The following CCDC124 variants were observed in gnomAD, a reference collection of about 807,000 sequenced individuals.
The protein encoded by CCDC124 is coiled-coil domain containing 124, also known as coiled-coil domain-containing protein 124.
A neutral mutation model predicts 19.8 loss-of-function variants in CCDC124; 9 were observed. The ratio of observed to expected loss-of-function variants is 0.45; its 90% CI spans 0.27 to 0.79. The LOEUF (loss-of-function observed/expected upper bound fraction) is 0.79, where lower values mean the gene tolerates loss of function less well. CCDC124 is among the 30% of genes least tolerant of loss of function. The probability of loss-of-function intolerance (pLI) is 0.14; values close to 1 mark genes in which losing one functional copy is unlikely to be tolerated. For missense variants in CCDC124, 285 were observed against 319.0 expected (o/e 0.89, Z 0.81); for synonymous variants, 126 against 131.3 (o/e 0.96, Z 0.27).
chr19:17,939,683 C>T (rs943068502), intron 2 of CCDC124, among the ~76,000 whole-genome samples: 23 of 151,620 alleles, frequency 1.5e-4, no homozygotes, highest in African/African-American at 3.9e-4. Flanking sequence ...AGTGCAGTGG[C>T]GCGACCTCGG....
At chr19:17,939,343 C>T (rs770663319) in intron 2 of CCDC124, among the ~76,000 whole-genome samples, 4 of 151,906 alleles carry the variant, frequency 2.6e-5, no homozygotes, top group South Asian at 2.1e-4. Context: ...TGCAGTGAGC[C>T]GGGATCGCGC....
At chr19:17,937,091 G>C (rs1279439154) in intron 2 of CCDC124, 1 of 152,266 alleles carries the variant, frequency 6.6e-6, no homozygotes, top group Non-Finnish European at 1.5e-5. Flanking sequence ...GACCAGCCTG[G>C]CCAAAATGGT....
At chr19:17,940,227 A>T (rs1378300394) in intron 2 of CCDC124, among the ~76,000 whole-genome samples, 1 of 151,958 alleles carries the variant, frequency 6.6e-6, no homozygotes, top group African/African-American at 2.4e-5. Flanking sequence ...AAGAGATTTG[A>T]TTAAGGGACA....
chr19:17,942,624 C>T lies in CCDC124; in HGVS notation c.160-32C>T. 1 of 1,548,920 alleles carries T rather than the reference C, an allele frequency of 6.5e-7. No homozygotes were observed. Among genetic ancestry groups the T allele is most frequent in the Non-Finnish European group, 8.7e-7 (1 of 1,146,654 alleles). ...AGTGGGTGGCGCGGGGGTGTGGGGT[C>T]TTCTGCCTGACCATGCACGCCGCCC... On this transcript the variant is annotated intron_variant, in intron 2 of 4. Coordinates refer to ENST00000445755, the MANE Select transcript of CCDC124 (RefSeq NM_001136203.2). This position sits in a 1 kb window ranked among gnomAD's most constrained non-coding sequence, Gnocchi z 4.2.
intron 2 of CCDC124, among the ~76,000 whole-genome samples, chr19:17,938,044 T>A (rs1307819334): frequency 6.6e-6 from 1 of 152,162 alleles, no homozygotes; most frequent in Non-Finnish European, 1.5e-5. Flanking sequence ...AGGTGTTTAT[T>A]TTTTAAAAGC....
At chr19:17,936,302 C>A in intron 1 of CCDC124, 108 bp from the exon 2 acceptor site, 1 of 907,260 alleles carries the variant, frequency 1.1e-6, no homozygotes, top group Non-Finnish European at 1.7e-6. Flanking sequence ...ACAGAGAAGG[C>A]CACAGAGGCC....
intron 2 of CCDC124, among the ~76,000 whole-genome samples, chr19:17,939,431 C>T (rs925283456): frequency 6.6e-6 from 1 of 152,010 alleles, no homozygotes. Flanking sequence ...GATCCAGTAT[C>T]CAGACAGAAT....
chr19:17,934,559 G>T (rs1049974317), intron 1 of CCDC124, among the ~76,000 whole-genome samples: 2 of 151,528 alleles, frequency 1.3e-5, no homozygotes, highest in African/African-American at 4.9e-5. Flanking sequence ...GCCGAGGCGG[G>T]AGGATCACTT....
intron 2 of CCDC124, among the ~76,000 whole-genome samples, chr19:17,940,702 G>A (rs1399421792): frequency 4.1e-5 from 6 of 148,058 alleles, no homozygotes; most frequent in Non-Finnish European, 8.9e-5. Context: ...GGAGGCAGAG[G>A]TTGCACCATT....
In CCDC124 at chr19:17,943,242, C is replaced by T. The variant is rs1321148031; in HGVS notation, c.350-19C>T. ...TTTGCTTATCTCTCTCTGTCTCTGT[C>T]ACCCACCCACCCGCCCAGCCGAGAA... On this transcript the variant is annotated intron_variant, in intron 3 of 4. Transcript: ENST00000445755. 4.1e-6 allele frequency: 3 copies of T among 734,674 alleles called. No individual in the cohort carries two copies. Among genetic ancestry groups the T allele is most frequent in the Non-Finnish European group, 7.1e-6 (3 of 419,642 alleles). The allele number at this position is 734,674 out of a possible 1,614,324, so 45.5% of individuals were successfully genotyped here.
rs763965248 is a variant in CCDC124, at chr19:17,936,436, C to T, written c.16C>T (p.Gln6Ter). The T allele has an allele frequency of 1.2e-6, 2 of 1,612,950 alleles. No individual in the cohort carries two copies. The highest frequency in any genetic ancestry group is 1.7e-6 in the Non-Finnish European group (2 of 1,179,490). ...CTGCTGAGGGATGCCCAAGAAGTTCCAGGGTGAGAACACCAAGTCGGCAGC... is the reference window on the plus strand; with the variant it reads ...CTGCTGAGGGATGCCCAAGAAGTTCTAGGGTGAGAACACCAAGTCGGCAGC... The part of the protein sequence containing the change: MPKKF[Q>*]GENTKSAAAR... The change falls in exon 2 of 5, where the codon CAG (glutamine) becomes TAG (stop). Residue 6 changes from glutamine to a stop codon, truncating the protein, a stop_gained. Coordinates refer to ENST00000445755, the MANE Select transcript of CCDC124 (RefSeq NM_001136203.2). LOFTEE classifies it high-confidence loss of function.
At position 17,943,828 on chromosome 19, in the gene CCDC124, G is replaced by C. The variant is rs1419640894; in HGVS notation, c.*113G>C. 1.9e-6 allele frequency: 2 copies of C among 1,042,454 alleles called. No homozygotes were observed. Among genetic ancestry groups the C allele is most frequent in the Non-Finnish European group, 2.8e-6 (2 of 710,952 alleles). The allele number at this position is 1,042,454 out of a possible 1,614,324, so 64.6% of individuals were successfully genotyped here. On this transcript the variant is annotated 3_prime_UTR_variant, in exon 5 of 5. Transcript: ENST00000445755. The stretch of plus-strand genomic sequence containing the variant: ...AGAGCGTTCCGGGGGCCAAGGCGCC[G>C]GGCCCCGGGGCCATGCTCTTATCAC...
chr19:17,936,376 C>G, intron 1 of CCDC124, 34 bp from the exon 2 acceptor site: 1 of 1,561,840 alleles, frequency 6.4e-7, no homozygotes, highest in Non-Finnish European at 8.7e-7. Flanking sequence ...TCCCCTCCGG[C>G]CCCTGCTCCC....
chr19:17,942,438 T>C lies in CCDC124; in HGVS notation c.160-218T>C, dbSNP rs2031204192. On this transcript the variant is annotated intron_variant, in intron 2 of 4. Coordinates refer to ENST00000445755, the MANE Select transcript of CCDC124 (RefSeq NM_001136203.2). The surrounding 1 kb of genome is among the most constrained non-coding windows in gnomAD (Gnocchi z 4.2). The stretch of plus-strand genomic sequence containing the variant: ...GCTCTTCGCACCTAGGAGCGTCACT[T>C]CTTCAAGAGCCACCCACCCGCCCTG... Among the ~76,000 whole-genome samples the C allele has an allele frequency of 6.6e-6, 1 of 152,154 alleles. No individual in the cohort carries two copies. Among genetic ancestry groups the C allele is most frequent in the African/African-American group, 2.4e-5 (1 of 41,444 alleles).
intron 3 of CCDC124, 90 bp from the exon 4 acceptor site, chr19:17,943,171 A>G (rs1439997769): frequency 9.2e-7 from 1 of 1,089,524 alleles, no homozygotes; most frequent in African/African-American, 1.6e-5. Flanking sequence ...TCCCGCCCCT[A>G]GCTTCTCTTG....
At chr19:17,939,922 C>CTTT (rs368842369) in intron 2 of CCDC124, among the ~76,000 whole-genome samples, 8 of 117,310 alleles carry the variant, frequency 6.8e-5, no homozygotes, top group Non-Finnish European at 1.4e-4. Flanking sequence ...CGCACCTGGC[C>CTTT]TTTTTTTTTT....
intron 2 of CCDC124, 104 bp downstream of exon 2, chr19:17,936,683 C>T: frequency 7.0e-7 from 1 of 1,420,564 alleles, no homozygotes. Context: ...GAGCTTTGGT[C>T]TGAAAGGCCA....
intron 2 of CCDC124, among the ~76,000 whole-genome samples, chr19:17,940,688 C>T (rs1366273956): frequency 6.7e-6 from 1 of 149,598 alleles, no homozygotes; most frequent in Non-Finnish European, 1.5e-5. Context: ...ATCGGTTGAA[C>T]CTGGGAGGCA....
Position 17,942,847 on chromosome 19 carries a change from T to C in CCDC124, c.349+2T>C. 6.7e-7 allele frequency: 1 copy of C among 1,497,936 alleles called. No homozygotes were observed. Among genetic ancestry groups the C allele is most frequent in the Non-Finnish European group, 8.9e-7 (1 of 1,123,692 alleles). 92.8% of individuals were successfully genotyped at this position (1,497,936 alleles called of 1,614,324 possible). ...AGCTCAGGGAGGCCCCGGACACAGG[T>C]CGGGCGGCATCCCGCTCTGGAGCTG... is the stretch of plus-strand genomic sequence containing the variant. On this transcript the variant is annotated splice_donor_variant, in intron 3 of 4. Transcript: ENST00000445755. LOFTEE classifies it high-confidence loss of function. This position sits in a 1 kb window ranked among gnomAD's most constrained non-coding sequence, Gnocchi z 4.2.
Sources: gnomAD v4.1 joint callset for allele counts (sites outside exome capture counted in the v4.1 genomes callset) on GRCh38, gnomAD v4.1.1 for gene constraint, Gnocchi (gnomAD v3.1) non-coding constraint, MANE v1.5 for transcripts, NCBI Gene and HGNC (gene_info 2026-07-23, HGNC 2026-07-21) for gene names.